The following PRPF31 variants were observed in gnomAD, a reference collection of about 807,000 sequenced individuals.
PRPF31 encodes pre-mRNA processing factor 31, also known as U4/U6 small nuclear ribonucleoprotein Prp31.
PRPF31 carries 12 observed loss-of-function variants against 60.4 expected under a neutral mutation model. That is an observed-to-expected ratio of 0.20 (90% CI 0.13 to 0.32). The LOEUF (loss-of-function observed/expected upper bound fraction) is 0.32. PRPF31 is among the 10% of genes least tolerant of loss of function. The pLI, the probability that PRPF31 is intolerant of heterozygous loss-of-function variation, is 1.00. For synonymous variants in PRPF31, 287 were observed against 287.9 expected (o/e 1.00, Z 0.03); for missense variants, 431 against 687.1 (o/e 0.63, Z 4.17).
chr19:54,128,507 C>T (rs587632587), intron 11 of PRPF31, 130 bp downstream of exon 11: 8 of 946,674 alleles, frequency 8.5e-6, no homozygotes, highest in African/African-American at 5.0e-5. Context: ...CAGCCTCCCC[C>T]CCCCCGGCCT....
chr19:54,124,976 C>T (rs1417753656), intron 8 of PRPF31: 3 of 505,394 alleles, frequency 5.9e-6, no homozygotes, highest in African/African-American at 3.8e-5. Context: ...GCCTAGCTCA[C>T]GACAAGCAGC....
intron 13 of PRPF31, among the ~76,000 whole-genome samples, chr19:54,129,603 C>A (rs1183809801): frequency 7.1e-6 from 1 of 141,400 alleles, no homozygotes; most frequent in Non-Finnish European, 1.5e-5. Context: ...AGAACCAGGC[C>A]CACAGCTGTG....
Position 54,122,073 on chromosome 19 carries a change from A to G in PRPF31, c.322+130A>G, listed in dbSNP as rs2073805302. ...CAGATCGAGGTTGACCTGCTGTCAC[A>G]GAGTGGCTGAAATAAGAAGGAAGTG... is the stretch of plus-strand genomic sequence containing the variant. On this transcript the variant is annotated intron_variant, in intron 4 of 13. Coordinates refer to ENST00000321030, the MANE Select transcript of PRPF31 (RefSeq NM_015629.4). 3 of 966,716 alleles carry G rather than the reference A, an allele frequency of 3.1e-6. No individual in the cohort carries two copies. In the Admixed American group the frequency reaches 6.0e-5, roughly 19 times the overall value. The allele number at this position is 966,716 out of a possible 1,614,324, so 59.9% of individuals were successfully genotyped here.
chr19:54,126,401 C>G (rs1165615928), intron 8 of PRPF31, 127 bp from the exon 9 acceptor site: 1 of 829,904 alleles, frequency 1.2e-6, no homozygotes, highest in Non-Finnish European at 2.0e-6. Context: ...ACCTCTAGAG[C>G]CCAAGGGTGG....
At position 54,118,384 on chromosome 19, in the gene PRPF31, CAGG is replaced by C. The variant is rs1193060536; in HGVS notation, c.112_114del (p.Glu38del). On this transcript the variant is annotated inframe_deletion, in exon 2 of 14. Transcript: ENST00000321030. Reference sequence around the variant, plus strand: ...AGAGGAGCCAGCGATCGAGGATGTGCAGGAGGAGACACAGCTGGATCTTTCCGG... The same window carrying C: ...AGAGGAGCCAGCGATCGAGGATGTGCAGGAGACACAGCTGGATCTTTCCGG... 1 of 1,614,016 alleles carries C rather than the reference CAGG, an allele frequency of 6.2e-7. No individual in the cohort carries two copies. Among genetic ancestry groups the C allele is most frequent in the Non-Finnish European group, 8.5e-7 (1 of 1,180,000 alleles).
In PRPF31 at chr19:54,131,386, A is replaced by T; in HGVS notation, c.1454A>T (p.Glu485Val). The change falls in exon 14 of 14, where the codon GAG (glutamate) becomes GTG (valine). Residue 485 changes from glutamate (E) to valine (V), a missense_variant. Physicochemically the swap from Glu to Val is moderately radical, Grantham distance 121. This residue lies in a region of PRPF31 where 314 missense variants were observed against 475.3 expected (regional missense o/e 0.66). Coordinates refer to ENST00000321030, the MANE Select transcript of PRPF31 (RefSeq NM_015629.4). ...CAGAAGTATTTCTCCAGCATGGCTGAGTTCCTCAAGGTCAAGGGCGAGAAG... is the reference window on the plus strand; with the variant it reads ...CAGAAGTATTTCTCCAGCATGGCTGTGTTCCTCAAGGTCAAGGGCGAGAAG... ...ANQKYFSSMA[E>V]FLKVKGEKSG... The T allele has an allele frequency of 6.2e-7, 1 of 1,614,134 alleles. No homozygotes were observed. Among genetic ancestry groups the T allele is most frequent in the Non-Finnish European group, 8.5e-7 (1 of 1,180,020 alleles).
At chr19:54,127,118 TA>T (rs1365471040) in intron 9 of PRPF31, among the ~76,000 whole-genome samples, 16 of 152,162 alleles carry the variant, frequency 1.1e-4, no homozygotes, top group African/African-American at 3.9e-4. Flanking sequence ...AGACTCCATC[TA>T]AAAACAAAAA....
chr19:54,129,340 G>C lies in PRPF31; in HGVS notation c.1344G>C (p.Thr448=). 1 of 1,602,854 alleles carries C rather than the reference G, an allele frequency of 6.2e-7. No individual in the cohort carries two copies. The part of the protein sequence containing the change: ...KSTIRDRSSG[T]ASSVAFTPLQ... The stretch of plus-strand genomic sequence containing the variant: ...CCATCCGCGACCGCTCCTCGGGCAC[G>C]GCCTCCAGCGTGGCCTTCACCCCAC... Residue 448 remains threonine, a synonymous_variant, in exon 13 of 14, where the codon ACG becomes ACC. Coordinates refer to ENST00000321030, the MANE Select transcript of PRPF31 (RefSeq NM_015629.4).
At position 54,123,928 on chromosome 19, in the gene PRPF31, C is replaced by T. The variant is rs369722854; in HGVS notation, c.697+10C>T. On this transcript the variant is annotated intron_variant, in intron 7 of 13. Transcript: ENST00000321030. ...GCCGCCAAGATCATGGGTGAGTCCCCGGGCTGGGTCCCATGGAGCGGGGGT... is the reference window on the plus strand; with the variant it reads ...GCCGCCAAGATCATGGGTGAGTCCCTGGGCTGGGTCCCATGGAGCGGGGGT... 8.9e-5 allele frequency: 144 copies of T among 1,613,026 alleles called. No homozygotes were observed. Among genetic ancestry groups the T allele is most frequent in the African/African-American group, 3.6e-4 (27 of 74,940 alleles).
intron 5 of PRPF31, 110 bp downstream of exon 5, chr19:54,122,704 G>T: frequency 4.5e-6 from 4 of 895,322 alleles, no homozygotes; most frequent in South Asian, 2.6e-5. Flanking sequence ...GAGAGGAGTG[G>T]ACGAGGGCTC....
intron 3 of PRPF31, chr19:54,119,801 ATTC>A (rs1486041118): frequency 6.6e-6 from 1 of 152,080 alleles, no homozygotes; most frequent in East Asian, 1.9e-4. Flanking sequence ...CAGCCTTCCC[ATTC>A]TTCTTGAATG....
intron 1 of PRPF31, 157 bp from the exon 2 acceptor site, chr19:54,118,114 T>C (rs111947890): frequency 8.6e-6 from 9 of 1,049,006 alleles, no homozygotes; most frequent in African/African-American, 7.8e-5. Context: ...GACTCGCCAG[T>C]GAACAAAACA....
At chr19:54,129,031 T>C (rs2073991034) in intron 11 of PRPF31, 26 bp from the exon 12 acceptor site, 1 of 1,561,178 alleles carries the variant, frequency 6.4e-7, no homozygotes, top group Non-Finnish European at 8.7e-7. Flanking sequence ...GTCGCTGAAC[T>C]GCAGGGCGCC....
chr19:54,122,493 C>G lies in PRPF31; in HGVS notation c.323-4C>G. On this transcript the variant is annotated splice_region_variant and splice_polypyrimidine_tract_variant and intron_variant, in intron 4 of 13. Transcript: ENST00000321030. ...CCGACAACCTCCTGTCCCGTTTACC[C>G]TAGACATCATCCATAAGTTCATCCG... is the stretch of plus-strand genomic sequence containing the variant. 1 of 1,611,384 alleles carries G rather than the reference C, an allele frequency of 6.2e-7. No homozygotes were observed. Among genetic ancestry groups the G allele is most frequent in the Non-Finnish European group, 8.5e-7 (1 of 1,177,454 alleles).
At position 54,129,051 on chromosome 19, in the gene PRPF31, C is replaced by A. The variant is rs587693564; in HGVS notation, c.1147-6C>A. On this transcript the variant is annotated splice_polypyrimidine_tract_variant and splice_region_variant and intron_variant, in intron 11 of 13. Transcript: ENST00000321030. ...TGAACTGCAGGGCGCCTCCTCTCCC[C>A]CCTAGATCGAGGAGGACGCCTACCA... The A allele has an allele frequency of 4.5e-6, 7 of 1,568,026 alleles. No homozygotes were observed. In the South Asian group the frequency reaches 5.9e-5, roughly 13 times the overall value.
intron 1 of PRPF31, among the ~76,000 whole-genome samples, chr19:54,116,779 C>T (rs2073653583): frequency 6.6e-6 from 1 of 152,194 alleles, no homozygotes; most frequent in Non-Finnish European, 1.5e-5. Context: ...GAGCTGAAGG[C>T]TGAGGAGATG....
chr19:54,116,736 G>A (rs1188769452), intron 1 of PRPF31, among the ~76,000 whole-genome samples: 1 of 152,270 alleles, frequency 6.6e-6, no homozygotes, highest in Admixed American at 6.5e-5. Context: ...GTAGTCTAGA[G>A]TGGGGCGTGT....
chr19:54,128,209 C>T lies in PRPF31; in HGVS notation c.1073+9C>T, dbSNP rs758509934. ...AAGCGAGGCGGCCGCAGGTGAGGGG[C>T]CCTGGGGGTCCGGTAGGCATGGGGG... On this transcript the variant is annotated intron_variant, in intron 10 of 13. Transcript: ENST00000321030. 102 of 1,569,794 alleles carry T rather than the reference C, an allele frequency of 6.5e-5. No individual in the cohort carries two copies. The highest frequency in any genetic ancestry group is 8.3e-5 in the Non-Finnish European group (96 of 1,159,630).
At chr19:54,130,533 G>A (rs1157711720) in intron 13 of PRPF31, among the ~76,000 whole-genome samples, 4 of 152,144 alleles carry the variant, frequency 2.6e-5, no homozygotes, top group East Asian at 1.9e-4. Flanking sequence ...GCTGAGGCAG[G>A]AGAATGGCGT....
Sources: allele counts gnomAD v4.1 joint callset (sites outside exome capture counted in the v4.1 genomes callset), GRCh38; gene constraint gnomAD v4.1.1; regional missense constraint gnomAD v4.1.1; transcripts MANE v1.5; gene names NCBI Gene and HGNC (gene_info 2026-07-23, HGNC 2026-07-21).